Variants in GULP1 observed in about 807,000 individuals in gnomAD.
The protein encoded by GULP1 is PTB domain-containing engulfment adapter protein 1.
GULP1 carries 19 observed loss-of-function variants against 40.9 expected under a neutral mutation model. The observed-to-expected ratio is 0.46, with a 90% CI of 0.32 to 0.68. GULP1 has a LOEUF of 0.68. Ranked by LOEUF, GULP1 falls within the 30% of genes least tolerant of loss-of-function variation. The pLI, the probability that GULP1 is intolerant of heterozygous loss-of-function variation, is 0.03. For synonymous variants in GULP1, 119 were observed against 117.6 expected (o/e 1.01, Z -0.08); for missense variants, 312 against 362.2 (o/e 0.86, Z 1.12).
intron 4 of GULP1, among the ~76,000 whole-genome samples, chr2:188,514,998 A>G (rs2065030625): frequency 6.6e-6 from 1 of 152,188 alleles, no homozygotes; most frequent in South Asian, 2.1e-4. Context: ...TTACAAAGAG[A>G]GCTACAATGA....
intron 1 of GULP1, among the ~76,000 whole-genome samples, chr2:188,315,816 G>A (rs10210696): frequency 0.24 from 37,030 of 151,858 alleles, 5,002 homozygotes; most frequent in African/African-American, 0.37. Context: ...TTATGGTAAT[G>A]TACGGTAATA....
At chr2:188,539,285 A>G (rs959340958) in intron 6 of GULP1, among the ~76,000 whole-genome samples, 17 of 152,082 alleles carry the variant, frequency 1.1e-4, no homozygotes, top group Admixed American at 6.6e-5. Flanking sequence ...CTCTTTATTT[A>G]TCATTAACAT....
chr2:188,589,736 G>T, intron 11 of GULP1: 1 of 1,394,866 alleles, frequency 7.2e-7, no homozygotes, highest in South Asian at 1.5e-5. Flanking sequence ...TTCATGGTGG[G>T]TAGCGCCAGA....
intron 4 of GULP1, among the ~76,000 whole-genome samples, chr2:188,515,963 T>A (rs2065129560): frequency 6.6e-6 from 1 of 152,156 alleles, no homozygotes; most frequent in African/African-American, 2.4e-5. Context: ...AATGAAAAAA[T>A]TAAAAAACAA....
intron 2 of GULP1, among the ~76,000 whole-genome samples, chr2:188,407,062 C>T (rs545883421): frequency 1.3e-4 from 20 of 152,280 alleles, no homozygotes; most frequent in East Asian, 3.9e-4. Context: ...GCAAACTTCT[C>T]AGCAGGGGCA....
intron 2 of GULP1, among the ~76,000 whole-genome samples, chr2:188,436,991 G>A (rs936612799): frequency 1.3e-5 from 2 of 152,100 alleles, no homozygotes; most frequent in Non-Finnish European, 2.9e-5. Context: ...CTGGACCACA[G>A]CATTATCCAC....
chr2:188,393,557 A>G (rs1240245546), intron 2 of GULP1, among the ~76,000 whole-genome samples: 1 of 152,068 alleles, frequency 6.6e-6, no homozygotes, highest in African/African-American at 2.4e-5. Flanking sequence ...GTGGAACATT[A>G]AGGCCATTTA....
chr2:188,304,859 TACA>T (rs370939156), intron 1 of GULP1, among the ~76,000 whole-genome samples: 1 of 152,192 alleles, frequency 6.6e-6, no homozygotes, highest in Non-Finnish European at 1.5e-5. Flanking sequence ...TCTGCTCTCA[TACA>T]ACAACAACCA....
chr2:188,366,401 C>A (rs942583706), intron 1 of GULP1, among the ~76,000 whole-genome samples: 5 of 152,036 alleles, frequency 3.3e-5, no homozygotes, highest in Admixed American at 2.0e-4. Context: ...AAAAAATAAG[C>A]TCCATGTCAC....
intron 2 of GULP1, among the ~76,000 whole-genome samples, chr2:188,468,437 A>C (rs571704793): frequency 6.6e-6 from 1 of 152,292 alleles, no homozygotes; most frequent in East Asian, 1.9e-4. Context: ...TAAATCAATA[A>C]AGTGTATATG....
intron 2 of GULP1, among the ~76,000 whole-genome samples, chr2:188,465,912 C>A (rs983556340): frequency 6.6e-6 from 1 of 151,858 alleles, no homozygotes; most frequent in African/African-American, 2.4e-5. Flanking sequence ...GAAGGTAAAA[C>A]CAGGTAGTGT....
rs1382108302 is a variant in GULP1, at chr2:188,413,276, C to T, written c.-45+29387C>T. On this transcript the variant is annotated intron_variant, in intron 2 of 11. Transcript: ENST00000409830. ...CCTTGAGGAATCGCCACACTGTCTTCCACAATGGTTGAACTAGTTTACACT... is the reference window on the plus strand; with the variant it reads ...CCTTGAGGAATCGCCACACTGTCTTTCACAATGGTTGAACTAGTTTACACT... Among the ~76,000 whole-genome samples, 22 of 152,270 alleles carry T rather than the reference C, an allele frequency of 1.4e-4. 1 individual carries two copies. The East Asian group carries it at 3.9e-3, about 27-fold the overall frequency.
At chr2:188,372,910 G>A (rs918488710) in intron 1 of GULP1, among the ~76,000 whole-genome samples, 4 of 145,388 alleles carry the variant, frequency 2.8e-5, no homozygotes, top group African/African-American at 1.1e-4. Context: ...TATTTTTAAA[G>A]TTTTGTTAGG....
At position 188,456,679 on chromosome 2, in the gene GULP1, T is replaced by A. The variant is rs549644886; in HGVS notation, c.-44-20980T>A. On this transcript the variant is annotated intron_variant, in intron 2 of 11. Transcript: ENST00000409830. ...GTGGGGTGAGAGTTCCCACACAGAG[T>A]CCCTACTGGGGCACCACCTAGTGGA... Among the ~76,000 whole-genome samples the A allele has an allele frequency of 2.8e-4, 42 of 151,996 alleles. No homozygotes were observed. The East Asian group carries it at 3.3e-3, about 12-fold the overall frequency.
At chr2:188,406,288 A>T (rs1039381777) in intron 2 of GULP1, among the ~76,000 whole-genome samples, 8 of 152,208 alleles carry the variant, frequency 5.3e-5, no homozygotes, top group African/African-American at 1.9e-4. Context: ...CACAATGGTA[A>T]GTATTTGTGT....
intron 2 of GULP1, among the ~76,000 whole-genome samples, chr2:188,427,648 G>T (rs917501885): frequency 8.5e-5 from 13 of 152,222 alleles, no homozygotes; most frequent in African/African-American, 3.1e-4. Context: ...AAACCAGCAG[G>T]TATATACAGT....
intron 1 of GULP1, among the ~76,000 whole-genome samples, chr2:188,295,698 C>T (rs2034756736): frequency 6.6e-6 from 1 of 151,824 alleles, no homozygotes; most frequent in South Asian, 2.1e-4. Context: ...GCTAAAATAC[C>T]TAGTCATAGC....
intron 2 of GULP1, among the ~76,000 whole-genome samples, chr2:188,430,482 G>A (rs970914092): frequency 6.6e-6 from 1 of 152,180 alleles, no homozygotes; most frequent in Non-Finnish European, 1.5e-5. Flanking sequence ...CCAGTACTAT[G>A]TCATAGAGCC....
Position 188,512,934 on chromosome 2 carries a change from T to G in GULP1, c.91-9822T>G, listed in dbSNP as rs115764226. Among the ~76,000 whole-genome samples, 11 of 152,272 alleles carry G rather than the reference T, an allele frequency of 7.2e-5. No individual in the cohort carries two copies. In the East Asian group the frequency reaches 1.5e-3, roughly 21 times the overall value. ...AATACGACATATCTTACTAGCATTT[T>G]AAGAGTCACCAAGGTAAATATTTTG... On this transcript the variant is annotated intron_variant, in intron 4 of 11. Transcript: ENST00000409830.
Sources: gnomAD v4.1 joint callset for allele counts (sites outside exome capture counted in the v4.1 genomes callset) on GRCh38, gnomAD v4.1.1 for gene constraint, MANE v1.5 for transcripts, NCBI Gene and HGNC (gene_info 2026-07-23, HGNC 2026-07-21) for gene names.